The following GPR161 variants were observed in gnomAD, a reference collection of about 807,000 sequenced individuals.
The protein encoded by GPR161 is G protein-coupled receptor 161.
GPR161 carries 25 observed loss-of-function variants against 39.2 expected under a neutral mutation model. The observed-to-expected ratio is 0.64, with a 90% CI of 0.47 to 0.89. GPR161 has a LOEUF of 0.89. Ranked by LOEUF, GPR161 falls within the 40% of genes least tolerant of loss-of-function variation. The pLI is 0.00. For missense variants in GPR161, 547 were observed against 677.8 expected (o/e 0.81, Z 2.14); for synonymous variants, 286 against 276.6 (o/e 1.03, Z -0.34).
At chr1:168,114,399 G>T (rs954050341) in intron 1 of GPR161, 1 of 152,236 alleles carries the variant, frequency 6.6e-6, no homozygotes, top group Admixed American at 6.5e-5. Flanking sequence ...TGGCCAATAT[G>T]GTGAAACCCT....
chr1:168,096,870 G>T lies in GPR161; in HGVS notation c.737C>A (p.Thr246Asn). 4 of 1,614,192 alleles carry T rather than the reference G, an allele frequency of 2.5e-6. No homozygotes were observed. Among genetic ancestry groups the T allele is most frequent in the Non-Finnish European group, 3.4e-6 (4 of 1,180,034 alleles). The change falls in exon 3 of 6, where the codon ACC becomes AAC. Residue 246 changes from threonine to asparagine, a missense_variant. Transcript: ENST00000682931. ...ATTCCTCCTGCTGCCTGAAGAGGAG[G>T]TGGAGGTGCTGGAGTTCTTCCTCCC... is the stretch of plus-strand genomic sequence containing the variant. ...RTGRKNSSTS[T>N]SSSGSRRNAF...
intron 1 of GPR161, among the ~76,000 whole-genome samples, chr1:168,131,126 C>T (rs978663975): frequency 6.6e-5 from 10 of 152,186 alleles, no homozygotes; most frequent in Admixed American, 5.9e-4. Flanking sequence ...ACTTCATCCT[C>T]ACTGCCACTA....
chr1:168,134,962 A>G, intron 1 of GPR161: 13 of 1,535,546 alleles, frequency 8.5e-6, no homozygotes, highest in Non-Finnish European at 1.0e-5. Context: ...CTTCCTCGGA[A>G]CCCAAACAGA....
rs1695308095 is a variant in GPR161, at chr1:168,094,005, C to T, written c.1099+2503G>A. Among the ~76,000 whole-genome samples the T allele has an allele frequency of 2.8e-5, 4 of 145,048 alleles. No homozygotes were observed. In the South Asian group the frequency reaches 6.9e-4, roughly 25 times the overall value. Reference sequence around the variant, plus strand: ...CTTGGAACCCATTCCATAAGCTCTTCAGCCCAAAGGCATCCCACAAGCCTG... The same window carrying T: ...CTTGGAACCCATTCCATAAGCTCTTTAGCCCAAAGGCATCCCACAAGCCTG... On this transcript the variant is annotated intron_variant, in intron 3 of 5. Coordinates refer to ENST00000682931, the MANE Select transcript of GPR161 (RefSeq NM_001375883.1).
intron 2 of GPR161, among the ~76,000 whole-genome samples, chr1:168,099,840 G>T (rs921937761): frequency 1.4e-5 from 2 of 145,438 alleles, no homozygotes; most frequent in African/African-American, 5.0e-5. Flanking sequence ...TTTTTTTGGG[G>T]GGGGGGGGTT....
intron 5 of GPR161, among the ~76,000 whole-genome samples, chr1:168,087,038 C>G (rs1022287419): frequency 6.6e-6 from 1 of 152,140 alleles, no homozygotes; most frequent in Non-Finnish European, 1.5e-5. Flanking sequence ...GGATGGGAAA[C>G]GAATTCCAAG....
At chr1:168,103,308 A>G (rs1696283260) in intron 2 of GPR161, among the ~76,000 whole-genome samples, 1 of 152,222 alleles carries the variant, frequency 6.6e-6, no homozygotes. Context: ...TGCTGTATAC[A>G]ACCAAAAATT....
At chr1:168,137,477 G>T, upstream of GPR161, 1 of 1,331,798 alleles carries the variant, frequency 7.5e-7, no homozygotes, top group South Asian at 1.2e-5. Context: ...CAGTGAATTC[G>T]TCCCGAAGCC....
chr1:168,121,523 G>A (rs1698161033), intron 1 of GPR161, among the ~76,000 whole-genome samples: 1 of 152,110 alleles, frequency 6.6e-6, no homozygotes, highest in African/African-American at 2.4e-5. Context: ...AGACAGTGGA[G>A]GTCCACGTCA....
Position 168,082,113 on chromosome 1 carries a change from C to G in GPR161, c.*3418G>C, listed in dbSNP as rs142039287. 6.6e-6 allele frequency: 1 copy of G among 152,334 alleles called. No individual in the cohort carries two copies. The highest frequency in any genetic ancestry group is 1.9e-4 in the East Asian group (1 of 5,188). The allele number at this position is 152,334 out of a possible 1,614,324, so 9.4% of individuals were successfully genotyped here. The stretch of plus-strand genomic sequence containing the variant: ...CCTATCTATTGCAAATATTTAGTCT[C>G]ATTGGTTGTTCACTTGTTTACAGAA... On this transcript the variant is annotated 3_prime_UTR_variant, in exon 6 of 6. Transcript: ENST00000682931.
chr1:168,119,383 T>A (rs1697976947), intron 1 of GPR161, among the ~76,000 whole-genome samples: 1 of 150,644 alleles, frequency 6.6e-6, no homozygotes. Flanking sequence ...TGGGGACATA[T>A]GCTAAGTAAA....
intron 4 of GPR161, 115 bp downstream of exon 4, chr1:168,090,449 C>T (rs1694944177): frequency 3.5e-6 from 2 of 572,122 alleles, no homozygotes; most frequent in African/African-American, 1.9e-5. Context: ...CCCCACCCAC[C>T]GTGGGAAATG....
chr1:168,099,547 T>G (rs1293104177), intron 2 of GPR161, among the ~76,000 whole-genome samples: 7 of 152,172 alleles, frequency 4.6e-5, no homozygotes. Flanking sequence ...TTCTGGCTCT[T>G]CTCAACACCC....
Position 168,100,499 on chromosome 1 carries a change from C to T in GPR161, c.375-3267G>A, listed in dbSNP as rs139944752. Reference sequence around the variant, plus strand: ...TCATTTTTAGACATGAGCCCAATCACGACCCTTGAACCCTAAAGAGGCTTT... The same window carrying T: ...TCATTTTTAGACATGAGCCCAATCATGACCCTTGAACCCTAAAGAGGCTTT... On this transcript the variant is annotated intron_variant, in intron 2 of 5. Transcript: ENST00000682931. 4.6e-3 allele frequency among the ~76,000 whole-genome samples: 702 copies of T among 152,254 alleles called. 3 individuals carry two copies. The highest frequency in any genetic ancestry group is 0.015 in the African/African-American group (636 of 41,560).
At position 168,096,829 on chromosome 1, in the gene GPR161, C is replaced by A; in HGVS notation, c.778G>T (p.Val260Phe). Residue 260 changes from valine (V) to phenylalanine (F), a missense_variant, in exon 3 of 6, where the codon GTC becomes TTC. Coordinates refer to ENST00000682931, the MANE Select transcript of GPR161 (RefSeq NM_001375883.1). The stretch of plus-strand genomic sequence containing the variant: ...GCTTTGCACTGGTTGGCCGAGTAGA[C>A]CACACCCTGAAAGGCATTCCTCCTG... ...GSRRNAFQGV[V>F]YSANQCKALI... 6.2e-7 allele frequency: 1 copy of A among 1,614,118 alleles called. No homozygotes were observed. The highest frequency in any genetic ancestry group is 8.5e-7 in the Non-Finnish European group (1 of 1,180,010).
At chr1:168,132,300 T>C (rs1699050477) in intron 1 of GPR161, among the ~76,000 whole-genome samples, 1 of 147,246 alleles carries the variant, frequency 6.8e-6, no homozygotes, top group African/African-American at 2.5e-5. Flanking sequence ...TATGAAATGG[T>C]CTCCAAGCCG....
chr1:168,136,663 A>G (rs890597189), intron 1 of GPR161, 76 bp downstream of exon 1: 39 of 1,185,818 alleles, frequency 3.3e-5, no homozygotes, highest in Non-Finnish European at 3.7e-5. Flanking sequence ...AGCCTCGCAC[A>G]ATGAGTTTAG....
intron 3 of GPR161, among the ~76,000 whole-genome samples, chr1:168,092,793 C>G (rs1461538188): frequency 6.6e-6 from 1 of 152,212 alleles, no homozygotes; most frequent in Admixed American, 6.5e-5. Context: ...CAAGCTAGGC[C>G]TTCTCAAGGA....
At chr1:168,121,931 C>T (rs918456262) in intron 1 of GPR161, among the ~76,000 whole-genome samples, 1 of 152,178 alleles carries the variant, frequency 6.6e-6, no homozygotes, top group Non-Finnish European at 1.5e-5. Flanking sequence ...CACAAAAGAT[C>T]AGAACTACCC....
Sources: gnomAD v4.1 joint callset for allele counts (sites outside exome capture counted in the v4.1 genomes callset) on GRCh38, gnomAD v4.1.1 for gene constraint, MANE v1.5 for transcripts, NCBI Gene and HGNC (gene_info 2026-07-23, HGNC 2026-07-21) for gene names.